TSHR: variants seen among roughly 807,000 people sequenced by gnomAD.
The protein encoded by TSHR is thyroid stimulating hormone receptor.
A neutral mutation model predicts 64.1 loss-of-function variants in TSHR; 51 were observed. The observed-to-expected ratio is 0.80, with a 90% CI of 0.64 to 1.01. The LOEUF is 1.01. Among genes scored for constraint, TSHR ranks in the 50% least tolerant of loss-of-function variants. The probability of loss-of-function intolerance (pLI) is 0.00; values close to 1 mark genes in which losing one functional copy is unlikely to be tolerated. For synonymous variants in TSHR, 361 were observed against 361.9 expected (o/e 1.00, Z 0.03); for missense variants, 877 against 942.8 (o/e 0.93, Z 0.91).
At chr14:81,044,482 C>G (rs999560776) in intron 1 of TSHR, among the ~76,000 whole-genome samples, 3 of 152,034 alleles carry the variant, frequency 2.0e-5, no homozygotes, top group Non-Finnish European at 4.4e-5. Flanking sequence ...CACGGTGAAA[C>G]CCCTTCTCTA....
intron 1 of TSHR, chr14:80,994,151 G>C (rs1034552872): frequency 1.3e-5 from 2 of 151,838 alleles, no homozygotes; most frequent in African/African-American, 4.8e-5. Flanking sequence ...TCTTCCTTAT[G>C]ATTTTCTTAA....
intron 8 of TSHR, among the ~76,000 whole-genome samples, chr14:81,122,527 T>C (rs1053282827): frequency 1.3e-5 from 2 of 151,810 alleles, no homozygotes; most frequent in Admixed American, 6.6e-5. Flanking sequence ...GTACTGAATA[T>C]GGGTTTAACC....
intron 1 of TSHR, among the ~76,000 whole-genome samples, chr14:81,038,865 G>C (rs1220674277): frequency 6.6e-6 from 1 of 151,358 alleles, no homozygotes; most frequent in Non-Finnish European, 1.5e-5. Context: ...AATATGAACA[G>C]ATCAATAATG....
At chr14:81,125,343 T>C (rs545400282) in intron 8 of TSHR, among the ~76,000 whole-genome samples, 3 of 152,226 alleles carry the variant, frequency 2.0e-5, no homozygotes, top group East Asian at 3.9e-4. Context: ...GGCAAAAGGA[T>C]AGTGTTGGGA....
chr14:81,136,800 C>T (rs1891474260), intron 8 of TSHR, among the ~76,000 whole-genome samples: 1 of 152,170 alleles, frequency 6.6e-6, no homozygotes. Context: ...CCGAGTGGGA[C>T]CTAACTTAGA....
rs1889689871 is a variant in TSHR, at chr14:81,103,121, A to G, written c.615-5254A>G. On this transcript the variant is annotated intron_variant, in intron 7 of 9. Transcript: ENST00000298171. This position sits in a 1 kb window ranked among gnomAD's most constrained non-coding sequence, Gnocchi z 4.1. The stretch of plus-strand genomic sequence containing the variant: ...GATGGTTGTGATAAGGAGCCCTGGG[A>G]CTGGAGGAAGACAAGGATTGAGCTA... The G allele has an allele frequency of 1.0e-6, 1 of 985,310 alleles. No homozygotes were observed. Among genetic ancestry groups the G allele is most frequent in the African/African-American group, 1.7e-5 (1 of 57,232 alleles). The allele number at this position is 985,310 out of a possible 1,614,324, so 61.0% of individuals were successfully genotyped here. A position where few individuals can be genotyped will look rare whatever the true frequency, so the allele number is the denominator to read the frequency against.
chr14:81,110,135 A>G (rs1445523665), intron 8 of TSHR, among the ~76,000 whole-genome samples: 1 of 152,248 alleles, frequency 6.6e-6, no homozygotes, highest in East Asian at 1.9e-4. Flanking sequence ...TTTGGTTCAA[A>G]TCAGAAATAG....
intron 1 of TSHR, among the ~76,000 whole-genome samples, chr14:81,055,945 G>A (rs1449830759): frequency 6.6e-6 from 1 of 152,138 alleles, no homozygotes; most frequent in Non-Finnish European, 1.5e-5. Context: ...TGAAACATAA[G>A]GACATGAGAT....
intron 1 of TSHR, among the ~76,000 whole-genome samples, chr14:81,030,405 A>C (rs1480506584): frequency 6.6e-6 from 1 of 152,174 alleles, no homozygotes; most frequent in Non-Finnish European, 1.5e-5. Flanking sequence ...TATCACATCA[A>C]AATATATTTT....
At chr14:80,986,555 C>T (rs901385356) in intron 1 of TSHR, among the ~76,000 whole-genome samples, 3 of 152,112 alleles carry the variant, frequency 2.0e-5, no homozygotes, top group Non-Finnish European at 2.9e-5. Context: ...GGCGCAGTCT[C>T]GGCTCACTGT....
chr14:81,137,391 A>G (rs1891497911), intron 8 of TSHR, among the ~76,000 whole-genome samples: 1 of 152,224 alleles, frequency 6.6e-6, no homozygotes, highest in Non-Finnish European at 1.5e-5. Context: ...GGTGGACTGT[A>G]TGTCCTCTGC....
intron 6 of TSHR, 98 bp from the exon 7 acceptor site, chr14:81,096,541 A>G: frequency 1.6e-6 from 2 of 1,234,768 alleles, no homozygotes; most frequent in East Asian, 2.4e-5. Flanking sequence ...ACCTTTATGT[A>G]CATTTATGAC....
intron 8 of TSHR, among the ~76,000 whole-genome samples, chr14:81,127,476 A>G (rs1053139549): frequency 1.1e-4 from 17 of 152,054 alleles, no homozygotes; most frequent in African/African-American, 3.9e-4. Flanking sequence ...GGGATTCAAC[A>G]TTGAGGAGGA....
intron 1 of TSHR, among the ~76,000 whole-genome samples, chr14:80,985,212 T>G (rs1888380835): frequency 1.3e-5 from 2 of 152,216 alleles, no homozygotes; most frequent in Admixed American, 1.3e-4. Flanking sequence ...ATCGCGCCAC[T>G]GCACTCCAGC....
At chr14:81,062,343 A>G in intron 2 of TSHR, 124 bp downstream of exon 2, 1 of 657,572 alleles carries the variant, frequency 1.5e-6, no homozygotes, top group Non-Finnish European at 2.6e-6. Flanking sequence ...TTGTCAATGT[A>G]TATGACAATT....
intron 1 of TSHR, chr14:80,982,781 G>T: frequency 1.7e-6 from 1 of 580,430 alleles, no homozygotes; most frequent in Non-Finnish European, 3.0e-6. Context: ...GCAACAGCCT[G>T]CCCTTGTAGG....
chr14:81,122,190 C>T (rs941973087), intron 8 of TSHR, among the ~76,000 whole-genome samples: 1 of 150,688 alleles, frequency 6.6e-6, no homozygotes, highest in African/African-American at 2.4e-5. Context: ...ATTACAGGTG[C>T]CAACACCATA....
At chr14:80,972,582 C>T (rs1388418060) in intron 1 of TSHR, among the ~76,000 whole-genome samples, 2 of 152,130 alleles carry the variant, frequency 1.3e-5, no homozygotes, top group East Asian at 3.9e-4. Context: ...CTCCCTCTCC[C>T]TCCCCTCCTC....
intron 1 of TSHR, among the ~76,000 whole-genome samples, chr14:81,000,184 G>C (rs1287509140): frequency 6.6e-6 from 1 of 151,946 alleles, no homozygotes; most frequent in Non-Finnish European, 1.5e-5. Flanking sequence ...CGCCCGCCTT[G>C]GCCTCTCAAA....
Sources: gnomAD v4.1 joint callset for allele counts (sites outside exome capture counted in the v4.1 genomes callset) on GRCh38, gnomAD v4.1.1 for gene constraint, Gnocchi (gnomAD v3.1) non-coding constraint, MANE v1.5 for transcripts, NCBI Gene and HGNC (gene_info 2026-07-23, HGNC 2026-07-21) for gene names.